CDON: variants seen among roughly 807,000 people sequenced by gnomAD.
CDON encodes cell adhesion associated, oncogene regulated, also known as cell adhesion molecule-related/down-regulated by oncogenes.
A neutral mutation model predicts 120.9 loss-of-function variants in CDON; 73 were observed. That is an observed-to-expected ratio of 0.60 (90% CI 0.50 to 0.73). The LOEUF (loss-of-function observed/expected upper bound fraction) is 0.73. Ranked by LOEUF, CDON falls within the 30% of genes least tolerant of loss-of-function variation. The pLI, the probability that CDON is intolerant of heterozygous loss-of-function variation, is 0.00. For synonymous variants in CDON, 566 were observed against 573.5 expected (o/e 0.99, Z 0.19); for missense variants, 1,470 against 1,587.3 (o/e 0.93, Z 1.26).
rs567092583 is a variant in CDON, at chr11:125,980,213, C to T, written c.3276+836G>A. ...AAACTTTCTAGTGCAGAGAACCCCA[C>T]GTAAGTCTAAAATATGCTAGTCATT... On this transcript the variant is annotated intron_variant, in intron 17 of 19. Coordinates refer to ENST00000531738, the MANE Select transcript of CDON (RefSeq NM_001378964.1). 4.6e-5 allele frequency among the ~76,000 whole-genome samples: 7 copies of T among 152,248 alleles called. No individual in the cohort carries two copies. The East Asian group carries it at 5.8e-4, about 13-fold the overall frequency.
In CDON at chr11:125,994,387, G is replaced by A. The variant is rs1451158346; in HGVS notation, c.2547C>T (p.Tyr849=). The change falls in exon 14 of 20, where the codon TAC becomes TAT. Residue 849 remains tyrosine (Y), a splice_region_variant and synonymous_variant. Transcript: ENST00000531738. ...SDTQIMLKWT[Y]IPSSNNNTPI... ...GAGTGTTATTGTTACTTGATGGAATGTACTAAAAAACAGAAGCAAAGACTT... is the reference window on the plus strand; with the variant it reads ...GAGTGTTATTGTTACTTGATGGAATATACTAAAAAACAGAAGCAAAGACTT... 1 of 1,506,716 alleles carries A rather than the reference G, an allele frequency of 6.6e-7. No homozygotes were observed. Among genetic ancestry groups the A allele is most frequent in the South Asian group, 1.1e-5 (1 of 89,000 alleles). The allele number at this position is 1,506,716 out of a possible 1,614,324, so 93.3% of individuals were successfully genotyped here. A position where few individuals can be genotyped will look rare whatever the true frequency, so the allele number is the denominator to read the frequency against.
intron 1 of CDON, among the ~76,000 whole-genome samples, chr11:126,028,029 C>CTA (rs1324441802): frequency 7.7e-6 from 1 of 129,904 alleles, no homozygotes; most frequent in African/African-American, 2.9e-5. Context: ...TTAAAGCACT[C>CTA]TATGTTGTCA....
intron 18 of CDON, among the ~76,000 whole-genome samples, chr11:125,977,060 A>G (rs564428864): frequency 5.3e-5 from 8 of 152,244 alleles, no homozygotes; most frequent in Non-Finnish European, 1.2e-4. Flanking sequence ...ATTACTCGCC[A>G]GGTACATGAA....
chr11:126,029,149 T>G (rs2134745296), intron 1 of CDON, among the ~76,000 whole-genome samples: 1 of 152,266 alleles, frequency 6.6e-6, no homozygotes, highest in South Asian at 2.1e-4. Flanking sequence ...TGACTTTGAG[T>G]AATGAACTAA....
chr11:125,957,984 G>C lies in CDON; in HGVS notation c.*2958C>G, dbSNP rs1945530157. 1 of 152,186 alleles carries C rather than the reference G, an allele frequency of 6.6e-6. No homozygotes were observed. Among genetic ancestry groups the C allele is most frequent in the South Asian group, 2.1e-4 (1 of 4,832 alleles). 9.4% of individuals were successfully genotyped at this position (152,186 alleles called of 1,614,324 possible). A position where few individuals can be genotyped will look rare whatever the true frequency, so the allele number is the denominator to read the frequency against. On this transcript the variant is annotated 3_prime_UTR_variant, in exon 20 of 20. Coordinates refer to ENST00000531738, the MANE Select transcript of CDON (RefSeq NM_001378964.1). ...AGGCTTGACCAATTTCGTGATCACT[G>C]AGCACAGTAAAGATCAAATTTCCAG...
Position 126,021,527 on chromosome 11 carries a change from G to A in CDON, c.77-7C>T, listed in dbSNP as rs1394639122. On this transcript the variant is annotated splice_polypyrimidine_tract_variant and splice_region_variant and intron_variant, in intron 2 of 19. Coordinates refer to ENST00000531738, the MANE Select transcript of CDON (RefSeq NM_001378964.1). ...GTAAAATAAGGTGCCAAGTCTACAA[G>A]GGAATATTCCCCATATGCAAAGAAA... 6.2e-7 allele frequency: 1 copy of A among 1,613,300 alleles called. No homozygotes were observed. The highest frequency in any genetic ancestry group is 8.5e-7 in the Non-Finnish European group (1 of 1,179,550).
rs886047962 is a variant in CDON at position 125,958,841 on chromosome 11, T to C, written c.*2101A>G. 2 of 152,498 alleles carry C rather than the reference T, an allele frequency of 1.3e-5. No homozygotes were observed. The highest frequency in any genetic ancestry group is 2.9e-5 in the Non-Finnish European group (2 of 68,012). The allele number at this position is 152,498 out of a possible 1,614,324, so 9.4% of individuals were successfully genotyped here. On this transcript the variant is annotated 3_prime_UTR_variant, in exon 20 of 20. Coordinates refer to ENST00000531738, the MANE Select transcript of CDON (RefSeq NM_001378964.1). ...CCTGTTTCCTAAATCAAAATGGCTG[T>C]CTACGGACAATGACTCCCCAGTTTT...
At chr11:125,964,412 G>A (rs2134351163) in intron 18 of CDON, among the ~76,000 whole-genome samples, 1 of 152,304 alleles carries the variant, frequency 6.6e-6, no homozygotes. Flanking sequence ...TGCAACTCAG[G>A]AGCAAATCAT....
chr11:125,975,548 T>A (rs751655984), intron 18 of CDON, among the ~76,000 whole-genome samples: 19 of 152,362 alleles, frequency 1.2e-4, no homozygotes, highest in South Asian at 8.3e-4. Context: ...TATTCTCTAG[T>A]TGCACTTCAC....
chr11:126,003,832 T>TTA, intron 10 of CDON, 70 bp downstream of exon 10: 1 of 1,418,692 alleles, frequency 7.0e-7, no homozygotes, highest in Non-Finnish European at 1.0e-6. Context: ...AAAAAATAAA[T>TTA]TAATAATTCT....
chr11:125,966,950 C>A (rs2134364215), intron 18 of CDON, among the ~76,000 whole-genome samples: 1 of 151,326 alleles, frequency 6.6e-6, no homozygotes, highest in African/African-American at 2.4e-5. Flanking sequence ...GAAAATCTGT[C>A]ACCTTCAGTC....
chr11:126,058,513 G>C (rs1321232597), intron 1 of CDON, among the ~76,000 whole-genome samples: 2 of 152,204 alleles, frequency 1.3e-5, no homozygotes. Context: ...TGAACACACT[G>C]TATTGTGAGG....
chr11:126,055,334 T>C (rs1948656973), intron 1 of CDON, among the ~76,000 whole-genome samples: 1 of 152,028 alleles, frequency 6.6e-6, no homozygotes, highest in Non-Finnish European at 1.5e-5. Context: ...ACAGGGAGGA[T>C]GGAATTGGTA....
intron 18 of CDON, among the ~76,000 whole-genome samples, chr11:125,975,163 T>G (rs1166624290): frequency 6.6e-6 from 1 of 152,250 alleles, no homozygotes; most frequent in African/African-American, 2.4e-5. Flanking sequence ...CCCCTTTTGA[T>G]TAATATAAAA....
chr11:125,984,013 C>A lies in CDON; in HGVS notation c.2854G>T (p.Val952Leu), dbSNP rs756455658. ...CTGGCAGGGCTGGTTGCAGGCCCCA[C>A]ATTTCCTCCACTTCCCAAAGAATTT... ...PPNSLGSGGNVGPATSPARSS... is the reference protein window; with the variant it reads ...PPNSLGSGGNLGPATSPARSS... The change falls in exon 16 of 20, where the codon GTG (valine) becomes TTG (leucine). Residue 952 changes from valine to leucine, a missense_variant. By Grantham distance (32) the Val-to-Leu change is conservative. Transcript: ENST00000531738. 7 of 1,614,020 alleles carry A rather than the reference C, an allele frequency of 4.3e-6. No homozygotes were observed. Among genetic ancestry groups the A allele is most frequent in the Non-Finnish European group, 5.9e-6 (7 of 1,180,006 alleles).
rs1350245777 is a variant in CDON, at chr11:126,017,131, C to T, written c.885G>A (p.Lys295=). The T allele has an allele frequency of 1.2e-6, 2 of 1,614,172 alleles. No homozygotes were observed. Among genetic ancestry groups the T allele is most frequent in the Non-Finnish European group, 1.7e-6 (2 of 1,180,012 alleles). The change falls in exon 6 of 20, where the codon AAG becomes AAA. Residue 295 remains lysine, a synonymous_variant. Coordinates refer to ENST00000531738, the MANE Select transcript of CDON (RefSeq NM_001378964.1). ...AAGTCACATATTTTACATCTCCAGA[C>T]TTGTTTCCCGCCATGCAGGAATAGT... ...SGNYSCMAGN[K]SGDVKYVTYM...
chr11:126,000,961 A>AC (rs1414423737), intron 11 of CDON, among the ~76,000 whole-genome samples: 1 of 152,230 alleles, frequency 6.6e-6, no homozygotes, highest in Non-Finnish European at 1.5e-5. Flanking sequence ...AAATTGAAAT[A>AC]CTAAAAAAGT....
chr11:125,978,320 A>G lies in CDON; in HGVS notation c.3340T>C (p.Cys1114Arg). 1 of 1,604,374 alleles carries G rather than the reference A, an allele frequency of 6.2e-7. No individual in the cohort carries two copies. Among genetic ancestry groups the G allele is most frequent in the Non-Finnish European group, 8.5e-7 (1 of 1,172,894 alleles). Residue 1114 changes from cysteine (C) to arginine (R), a missense_variant, in exon 18 of 20, where the codon TGT becomes CGT. Transcript: ENST00000531738. Reference sequence around the variant, plus strand: ...TTAACATACCTATTGTTGTTTCGACAATTTCGGCAGTTAACACACTCCAGA... The same window carrying G: ...TTAACATACCTATTGTTGTTTCGACGATTTCGGCAGTTAACACACTCCAGA... ...DPLECVNCRNCRNNNRCFTKT... is the reference protein window; with the variant it reads ...DPLECVNCRNRRNNNRCFTKT...
chr11:125,977,343 G>A (rs549923630), intron 18 of CDON, among the ~76,000 whole-genome samples: 4 of 152,132 alleles, frequency 2.6e-5, no homozygotes, highest in African/African-American at 9.7e-5. Context: ...CTGGAACAAC[G>A]TATTTTTAAT....
Sources: allele counts gnomAD v4.1 joint callset (sites outside exome capture counted in the v4.1 genomes callset), GRCh38; gene constraint gnomAD v4.1.1; transcripts MANE v1.5; gene names NCBI Gene and HGNC (gene_info 2026-07-23, HGNC 2026-07-21).